The following ABCA13 variants were observed in gnomAD, a reference collection of about 807,000 sequenced individuals.
The protein encoded by ABCA13 is ATP-binding cassette sub-family A member 13.
ABCA13 carries 476 observed loss-of-function variants against 478.7 expected under a neutral mutation model. That is an observed-to-expected ratio of 0.99 (90% CI 0.92 to 1.07). The LOEUF is 1.07. Among genes scored for constraint, ABCA13 ranks in the 50% least tolerant of loss-of-function variants. ABCA13 has a pLI of 0.00. For missense variants in ABCA13, 6,060 were observed against 5,910.6 expected (o/e 1.03, Z -0.83); for synonymous variants, 2,252 against 2,158.9 (o/e 1.04, Z -1.20).
chr7:48,435,750 T>C (rs1349538682), intron 42 of ABCA13, among the ~76,000 whole-genome samples: 2 of 151,804 alleles, frequency 1.3e-5, no homozygotes, highest in African/African-American at 4.8e-5. Flanking sequence ...GTAAAAGTTC[T>C]TTATGTGTCA....
intron 43 of ABCA13, among the ~76,000 whole-genome samples, chr7:48,456,270 CT>C (rs1366012696): frequency 1.3e-5 from 2 of 152,136 alleles, no homozygotes; most frequent in Non-Finnish European, 2.9e-5. Context: ...CTCTAAGAGC[CT>C]ACTAATATGT....
At chr7:48,332,428 A>G (rs970456961) in intron 27 of ABCA13, among the ~76,000 whole-genome samples, 11 of 152,240 alleles carry the variant, frequency 7.2e-5, no homozygotes, top group African/African-American at 2.4e-4. Flanking sequence ...CAAACCAGGT[A>G]TGGAAATCCA....
At chr7:48,215,376 C>A (rs1786294429) in intron 3 of ABCA13, among the ~76,000 whole-genome samples, 2 of 151,958 alleles carry the variant, frequency 1.3e-5, no homozygotes, top group African/African-American at 2.4e-5. Context: ...TTTGTGGCAT[C>A]CCCGAGCAAT....
intron 59 of ABCA13, among the ~76,000 whole-genome samples, chr7:48,626,446 CAT>C (rs1475316338): frequency 2.1e-4 from 32 of 152,080 alleles, no homozygotes; most frequent in Non-Finnish European, 4.6e-4. Flanking sequence ...CAGGTGGAAT[CAT>C]GCGGCATAAA....
chr7:48,571,933 T>C (rs1040072040), intron 55 of ABCA13, among the ~76,000 whole-genome samples: 2 of 152,194 alleles, frequency 1.3e-5, no homozygotes, highest in Non-Finnish European at 2.9e-5. Context: ...ATCCCAGCAC[T>C]GTGGGAGGCC....
At position 48,559,877 on chromosome 7, in the gene ABCA13, A is replaced by G. The variant is rs190836920; in HGVS notation, c.14355-20347A>G. 2.6e-5 allele frequency among the ~76,000 whole-genome samples: 4 copies of G among 152,222 alleles called. No individual in the cohort carries two copies. The East Asian group carries it at 7.8e-4, about 30-fold the overall frequency. On this transcript the variant is annotated intron_variant, in intron 55 of 61. Coordinates refer to ENST00000435803, the MANE Select transcript of ABCA13 (RefSeq NM_152701.5). The stretch of plus-strand genomic sequence containing the variant: ...GCCTCATGAATTTGCCTGGTGCCCT[A>G]TTTGATTGTGGCTGAGCTGTTAAAA...
intron 13 of ABCA13, among the ~76,000 whole-genome samples, chr7:48,247,932 G>A (rs1791947286): frequency 6.6e-6 from 1 of 152,184 alleles, no homozygotes; most frequent in African/African-American, 2.4e-5. Flanking sequence ...TACTGAGAGT[G>A]AGACTCTCAG....
At chr7:48,587,035 G>C (rs1789253138) in intron 56 of ABCA13, 119 bp from the exon 57 acceptor site, 14 of 1,319,082 alleles carry the variant, frequency 1.1e-5, no homozygotes, top group South Asian at 1.3e-5. Flanking sequence ...GTACTTGATT[G>C]TATGTGTGAA....
At chr7:48,261,932 G>A (rs1039618717) in intron 15 of ABCA13, among the ~76,000 whole-genome samples, 15 of 151,888 alleles carry the variant, frequency 9.9e-5, no homozygotes, top group Middle Eastern at 3.4e-3. Flanking sequence ...TAGGATAATC[G>A]GGCAGTAAGC....
chr7:48,492,558 T>G (rs182042971), intron 48 of ABCA13, among the ~76,000 whole-genome samples: 22 of 152,298 alleles, frequency 1.4e-4, no homozygotes, highest in Non-Finnish European at 2.8e-4. Flanking sequence ...TGGTCCGCAG[T>G]GTAACAGTGT....
At chr7:48,410,413 G>A in intron 39 of ABCA13, 107 bp from the exon 40 acceptor site, 2 of 1,383,850 alleles carry the variant, frequency 1.4e-6, no homozygotes, top group Admixed American at 1.9e-5. Context: ...GAAAATTGGT[G>A]AGGATCTTTA....
At chr7:48,607,023 TGAA>T (rs1327274211) in intron 58 of ABCA13, among the ~76,000 whole-genome samples, 1 of 152,204 alleles carries the variant, frequency 6.6e-6, no homozygotes, top group Non-Finnish European at 1.5e-5. Flanking sequence ...AACCGCGTAC[TGAA>T]GCCTCAGCAA....
At chr7:48,251,020 G>C (rs1177772851) in intron 15 of ABCA13, among the ~76,000 whole-genome samples, 1 of 152,060 alleles carries the variant, frequency 6.6e-6, no homozygotes, top group Non-Finnish European at 1.5e-5. Flanking sequence ...TACTTTTAGA[G>C]GCTGCCAGAG....
intron 55 of ABCA13, among the ~76,000 whole-genome samples, chr7:48,545,897 C>T (rs183705791): frequency 6.6e-6 from 1 of 151,788 alleles, no homozygotes; most frequent in Non-Finnish European, 1.5e-5. Flanking sequence ...TAACATAAGT[C>T]TAATTAGATT....
intron 15 of ABCA13, among the ~76,000 whole-genome samples, chr7:48,260,101 TGAA>T (rs1193805598): frequency 6.6e-6 from 1 of 152,104 alleles, no homozygotes; most frequent in Non-Finnish European, 1.5e-5. Flanking sequence ...TCTGTATTTC[TGAA>T]GTGTGTCATT....
chr7:48,336,921 T>C (rs1354640255), intron 28 of ABCA13, among the ~76,000 whole-genome samples: 1 of 152,234 alleles, frequency 6.6e-6, no homozygotes, highest in Non-Finnish European at 1.5e-5. Flanking sequence ...TGCAATATTA[T>C]AAGCACCAAG....
chr7:48,582,611 G>A (rs1489723570), intron 56 of ABCA13, among the ~76,000 whole-genome samples: 1 of 152,092 alleles, frequency 6.6e-6, no homozygotes, highest in African/African-American at 2.4e-5. Context: ...GTGCTTGCGG[G>A]GAGGCTCCTT....
At chr7:48,261,096 G>T (rs1369004193) in intron 15 of ABCA13, among the ~76,000 whole-genome samples, 1 of 151,782 alleles carries the variant, frequency 6.6e-6, no homozygotes, top group Non-Finnish European at 1.5e-5. Context: ...ATTCAATCCA[G>T]CATGCCAATA....
At chr7:48,204,241 G>A (rs1290333323) in intron 3 of ABCA13, among the ~76,000 whole-genome samples, 1 of 150,234 alleles carries the variant, frequency 6.7e-6, no homozygotes, top group Non-Finnish European at 1.5e-5. Context: ...AGACAGTCTG[G>A]CTCTGCTGCC....
Sources: allele counts gnomAD v4.1 joint callset (sites outside exome capture counted in the v4.1 genomes callset), GRCh38; gene constraint gnomAD v4.1.1; transcripts MANE v1.5; gene names NCBI Gene and HGNC (gene_info 2026-07-23, HGNC 2026-07-21).